Variants in EPB41L4B observed in about 807,000 individuals in gnomAD.
EPB41L4B encodes the protein band 4.1-like protein 4B.
Under a neutral mutation model 112.5 loss-of-function variants are expected in EPB41L4B, and 30 were observed. That is an observed-to-expected ratio of 0.27 (90% confidence interval 0.20 to 0.36). The LOEUF (loss-of-function observed/expected upper bound fraction) is 0.36. EPB41L4B is among the 10% of genes least tolerant of loss of function. The pLI is 1.00. For synonymous variants in EPB41L4B, 408 were observed against 439.7 expected, an observed-to-expected ratio of 0.93 and a Z score of 0.90; for missense variants, 1,024 against 1,133.3, an observed-to-expected ratio of 0.90 and a Z score of 1.38.
intron 15 of EPB41L4B, among the ~76,000 whole-genome samples, chr9:109,225,558 G>T (rs1044731264): frequency 6.6e-6 from 1 of 152,192 alleles, no homozygotes; most frequent in African/African-American, 2.4e-5. Context: ...ACAGTAGGGG[G>T]GAAACTTCCC....
At chr9:109,286,197 A>G (rs1042707038) in intron 1 of EPB41L4B, among the ~76,000 whole-genome samples, 2 of 150,472 alleles carry the variant, frequency 1.3e-5, no homozygotes, top group East Asian at 2.0e-4. Flanking sequence ...GGATGGGTGG[A>G]TGGATGGATG....
intron 20 of EPB41L4B, among the ~76,000 whole-genome samples, chr9:109,195,104 G>A (rs546157110): frequency 6.6e-6 from 1 of 152,320 alleles, no homozygotes; most frequent in South Asian, 2.1e-4. Flanking sequence ...GAACATGGGT[G>A]TACAAACATC....
At chr9:109,242,847 T>TAAAAAAAAAAAAAAAA (rs11292845) in intron 15 of EPB41L4B, among the ~76,000 whole-genome samples, 2 of 127,146 alleles carry the variant, frequency 1.6e-5, no homozygotes, top group African/African-American at 3.0e-5. Flanking sequence ...AAGCTAGCCT[T>TAAAAAAAAAAAAAAAA]AAAAAAAAAA....
intron 2 of EPB41L4B, among the ~76,000 whole-genome samples, chr9:109,270,518 C>T (rs1056286674): frequency 6.6e-5 from 10 of 152,218 alleles, no homozygotes; most frequent in Non-Finnish European, 7.3e-5. Flanking sequence ...CCAACTTTGG[C>T]CCCTGGAGGG....
chr9:109,178,233 T>A (rs994460316), intron 24 of EPB41L4B, among the ~76,000 whole-genome samples: 9 of 152,072 alleles, frequency 5.9e-5, no homozygotes, highest in Non-Finnish European at 1.3e-4. Flanking sequence ...ATTTTTTCAA[T>A]GCATAGTTTT....
At chr9:109,200,780 TTA>T (rs1564260924) in intron 19 of EPB41L4B, among the ~76,000 whole-genome samples, 2 of 150,676 alleles carry the variant, frequency 1.3e-5, no homozygotes, top group Non-Finnish European at 3.0e-5. Flanking sequence ...TATTTTTTTT[TTA>T]AAAAAAGATA....
At chr9:109,208,097 C>A in intron 17 of EPB41L4B, 48 bp from the exon 18 acceptor site, 1 of 1,609,934 alleles carries the variant, frequency 6.2e-7, no homozygotes, top group South Asian at 1.1e-5. Context: ...AAAGAGAGAA[C>A]CATGTGCATT....
At chr9:109,316,312 C>G (rs1384164316) in intron 1 of EPB41L4B, among the ~76,000 whole-genome samples, 9 of 152,230 alleles carry the variant, frequency 5.9e-5, no homozygotes, top group Admixed American at 5.9e-4. Flanking sequence ...GGAGTGCTAA[C>G]TGGCCGACCG....
At chr9:109,313,807 T>C (rs1837515065) in intron 1 of EPB41L4B, among the ~76,000 whole-genome samples, 2 of 152,200 alleles carry the variant, frequency 1.3e-5, no homozygotes, top group Admixed American at 1.3e-4. Flanking sequence ...CGACCATCCT[T>C]ATTCAACTGT....
chr9:109,213,853 G>T, intron 16 of EPB41L4B, 35 bp from the exon 17 acceptor site: 1 of 1,587,362 alleles, frequency 6.3e-7, no homozygotes, highest in Non-Finnish European at 8.7e-7. Context: ...ATAAGGAAAG[G>T]TTGAAAGGAC....
chr9:109,243,813 T>A (rs1834441268), intron 14 of EPB41L4B, 131 bp from the exon 15 acceptor site: 2 of 821,916 alleles, frequency 2.4e-6, no homozygotes, highest in Non-Finnish European at 3.9e-6. Flanking sequence ...AGACCCTGGC[T>A]AGGGGGTGGA....
intron 22 of EPB41L4B, among the ~76,000 whole-genome samples, chr9:109,188,640 G>C (rs1486814637): frequency 2.6e-5 from 4 of 152,180 alleles, no homozygotes; most frequent in Non-Finnish European, 5.9e-5. Context: ...GTATAATTAA[G>C]TTCAAAATAA....
chr9:109,177,303 C>A (rs923696628), intron 24 of EPB41L4B, among the ~76,000 whole-genome samples: 3 of 152,064 alleles, frequency 2.0e-5, no homozygotes, highest in African/African-American at 7.2e-5. Context: ...AATTCTCAGG[C>A]CTCACCCAAG....
rs549436047 is a variant in EPB41L4B at position 109,297,018 on chromosome 9, G to A, written c.307-17097C>T. Among the ~76,000 whole-genome samples the A allele has an allele frequency of 2.5e-4, 38 of 152,214 alleles. 1 individual carries two copies. The South Asian group carries it at 7.9e-3, about 32-fold the overall frequency. On this transcript the variant is annotated intron_variant, in intron 1 of 25. Transcript: ENST00000374566. Reference sequence around the variant, plus strand: ...GTACCTTGGAATGTGATTGTGTTTGGAGACAGGGCTTTTAAAGAGGTAACT... The same window carrying A: ...GTACCTTGGAATGTGATTGTGTTTGAAGACAGGGCTTTTAAAGAGGTAACT...
intron 1 of EPB41L4B, among the ~76,000 whole-genome samples, chr9:109,316,711 T>C (rs145359138): frequency 2.0e-5 from 3 of 152,336 alleles, no homozygotes; most frequent in Non-Finnish European, 2.9e-5. Flanking sequence ...AAGTCCACTT[T>C]AGACTGCATG....
At chr9:109,275,225 G>A (rs1472786597) in intron 2 of EPB41L4B, among the ~76,000 whole-genome samples, 2 of 152,210 alleles carry the variant, frequency 1.3e-5, no homozygotes, top group Admixed American at 6.5e-5. Flanking sequence ...ATATAAGCTG[G>A]GTATGCAGAG....
intron 6 of EPB41L4B, 82 bp from the exon 7 acceptor site, chr9:109,258,379 G>A: frequency 2.0e-6 from 3 of 1,510,478 alleles, no homozygotes; most frequent in Admixed American, 1.8e-5. Context: ...AAGGCATTTT[G>A]CATCATTATA....
At chr9:109,252,643 A>C (rs1034658062) in intron 12 of EPB41L4B, among the ~76,000 whole-genome samples, 1 of 152,226 alleles carries the variant, frequency 6.6e-6, no homozygotes, top group African/African-American at 2.4e-5. Context: ...TGAGCCAAGA[A>C]AAATGCATGG....
intron 14 of EPB41L4B, among the ~76,000 whole-genome samples, chr9:109,247,181 T>G (rs568247900): frequency 1.3e-5 from 2 of 151,914 alleles, no homozygotes; most frequent in South Asian, 4.2e-4. Context: ...TAGTTTTTTT[T>G]TTTTTTTTTT....
Sources: allele counts gnomAD v4.1 joint callset (sites outside exome capture counted in the v4.1 genomes callset), GRCh38; gene constraint gnomAD v4.1.1; transcripts MANE v1.5; gene names NCBI Gene and HGNC (gene_info 2026-07-23, HGNC 2026-07-21).